Variants in NPC1 observed in about 807,000 individuals in gnomAD.
NPC1 encodes the protein Niemann-Pick C1 protein.
In NPC1, 85 loss-of-function variants were observed where a neutral mutation model predicts 140.4. The ratio of observed to expected loss-of-function variants is 0.61; its 90% CI spans 0.51 to 0.72. The LOEUF (loss-of-function observed/expected upper bound fraction) is 0.72. Among genes scored for constraint, NPC1 ranks in the 30% least tolerant of loss-of-function variants. The pLI, the probability that NPC1 is intolerant of heterozygous loss-of-function variation, is 0.00. For missense variants in NPC1, 1,504 were observed against 1,623.8 expected, an observed-to-expected ratio of 0.93 and a Z score of 1.27; for synonymous variants, 656 against 624.8, an observed-to-expected ratio of 1.05 and a Z score of -0.74.
At chr18:23,509,542 CT>C (rs1182551453) in intron 3 of NPC1, 4 of 192,108 alleles carry the variant, frequency 2.1e-5, no homozygotes, top group Non-Finnish European at 4.2e-5. Context: ...GCTAATTTTT[CT>C]TTTTATTATT....
At chr18:23,544,612 C>T (rs2058758563) in intron 12 of NPC1, 86 bp from the exon 13 acceptor site, 1 of 1,209,390 alleles carries the variant, frequency 8.3e-7, no homozygotes, top group South Asian at 1.3e-5. Context: ...TTTTACTTTA[C>T]AGGGCTGTAT....
At chr18:23,569,077 A>G in intron 3 of NPC1, 79 bp from the exon 4 acceptor site, 6 of 1,006,768 alleles carry the variant, frequency 6.0e-6, no homozygotes, top group Non-Finnish European at 7.7e-6. Context: ...TAGACAAAGA[A>G]TATTTTAAAC....
At chr18:23,516,724 C>CTTTT (rs1567920926) in intron 3 of NPC1, among the ~76,000 whole-genome samples, 1 of 140,438 alleles carries the variant, frequency 7.1e-6, no homozygotes. Flanking sequence ...AGAATTTCTT[C>CTTTT]TTCTTTTTTT....
At chr18:23,526,797 C>A (rs1022900085), downstream of NPC1, 3 of 1,610,006 alleles carry the variant, frequency 1.9e-6, no homozygotes, top group South Asian at 1.1e-5. Context: ...TGCTCTGATT[C>A]CAGTGTGAGG....
intron 3 of NPC1, among the ~76,000 whole-genome samples, chr18:23,514,126 C>T (rs1376866041): frequency 6.6e-6 from 1 of 152,094 alleles, no homozygotes; most frequent in Admixed American, 6.6e-5. Context: ...ATTTTGTTGA[C>T]CTAATGAAAG....
downstream of NPC1, chr18:23,524,514 A>T (rs76115546): frequency 1.6e-3 from 2,545 of 1,609,260 alleles, 37 homozygotes; most frequent in African/African-American, 0.031. Flanking sequence ...TCGTGTTACA[A>T]CATGGTGCTT....
intron 20 of NPC1, 44 bp from the exon 21 acceptor site, chr18:23,536,920 A>C (rs764877739): frequency 6.6e-7 from 1 of 1,520,734 alleles, no homozygotes; most frequent in South Asian, 1.1e-5. Flanking sequence ...AGGTCTTGCA[A>C]AATATCAGCA....
intron 1 of NPC1, among the ~76,000 whole-genome samples, chr18:23,578,954 G>A (rs945908328): frequency 1.3e-5 from 2 of 152,188 alleles, no homozygotes; most frequent in African/African-American, 4.8e-5. Context: ...GATGCCTGCC[G>A]CTTGCCTCTT....
At chr18:23,517,464 T>C (rs1390122135), downstream of NPC1, among the ~76,000 whole-genome samples, 1 of 152,104 alleles carries the variant, frequency 6.6e-6, no homozygotes, top group East Asian at 1.9e-4. Context: ...AGGTATATTT[T>C]CATTTGAAAA....
In NPC1 at chr18:23,535,591, A is replaced by G. The variant is rs1388678989; in HGVS notation, c.3355T>C (p.Cys1119Arg). The G allele has an allele frequency of 2.5e-6, 4 of 1,614,192 alleles. No individual in the cohort carries two copies. The highest frequency in any genetic ancestry group is 2.5e-6 in the Non-Finnish European group (3 of 1,180,024). The change falls in exon 22 of 25, where the codon TGT becomes CGT. Residue 1119 changes from cysteine to arginine, a missense_variant. Physicochemically the swap from Cys to Arg is radical, Grantham distance 180 (BLOSUM62 -3). Transcript: ENST00000269228. Reference sequence around the variant, plus strand: ...ATGATGACTGCAGACCAGAGCTCACAGCCCAGGAGGACCATGGTCACCAGA... The same window carrying G: ...ATGATGACTGCAGACCAGAGCTCACGGCCCAGGAGGACCATGGTCACCAGA... ...IFLVTMVLLG[C>R]ELWSAVIMCA...
Position 23,573,525 on chromosome 18 carries a change from C to T in NPC1, c.107G>A (p.Gly36Glu). 1 of 1,614,136 alleles carries T rather than the reference C, an allele frequency of 6.2e-7. No homozygotes were observed. Among genetic ancestry groups the T allele is most frequent in the Non-Finnish European group, 8.5e-7 (1 of 1,180,008 alleles). ...VWYGECGIAY[G>E]DKRYNCEYSG... Reference sequence around the variant, plus strand: ...ATATTCGCAATTGTACCTCTTGTCCCCATATGCAATTCCACACTCTCCATA... The same window carrying T: ...ATATTCGCAATTGTACCTCTTGTCCTCATATGCAATTCCACACTCTCCATA... The change falls in exon 2 of 25, where the codon GGG (glycine) becomes GAG (glutamate). Residue 36 changes from glycine to glutamate, a missense_variant. Transcript: ENST00000269228.
chr18:23,573,622 A>G, intron 1 of NPC1, 48 bp from the exon 2 acceptor site: 2 of 1,613,168 alleles, frequency 1.2e-6, no homozygotes, highest in East Asian at 4.5e-5. Flanking sequence ...TCTCAATGGT[A>G]AATTTCAACA....
intron 19 of NPC1, 176 bp from the exon 20 acceptor site, chr18:23,538,847 A>G (rs1209046919): frequency 5.9e-6 from 4 of 673,640 alleles, no homozygotes; most frequent in Non-Finnish European, 1.0e-5. Flanking sequence ...TCACTTTCAC[A>G]GTTTAATGAA....
chr18:23,556,913 T>G (rs758606299), intron 7 of NPC1, among the ~76,000 whole-genome samples: 7 of 152,238 alleles, frequency 4.6e-5, no homozygotes, highest in Non-Finnish European at 1.0e-4. Context: ...CCTCCCCAGC[T>G]ATGATTAATT....
chr18:23,515,283 A>T (rs1257674320), intron 3 of NPC1, among the ~76,000 whole-genome samples: 1 of 152,202 alleles, frequency 6.6e-6, no homozygotes, highest in Admixed American at 6.5e-5. Context: ...TGCTTTGTTA[A>T]GGGGCAGGTT....
downstream of NPC1, chr18:23,520,188 T>C (rs1306468998): frequency 6.2e-7 from 1 of 1,601,418 alleles, no homozygotes; most frequent in South Asian, 1.1e-5. Flanking sequence ...CAGTCTTGTC[T>C]TTTTCCCCCC....
Position 23,536,821 on chromosome 18 carries a change from C to T in NPC1, c.3097G>A (p.Val1033Ile), listed in dbSNP as rs758802425. 2 of 1,614,146 alleles carry T rather than the reference C, an allele frequency of 1.2e-6. No individual in the cohort carries two copies. Among genetic ancestry groups the T allele is most frequent in the Non-Finnish European group, 1.7e-6 (2 of 1,180,014 alleles). Residue 1033 changes from valine to isoleucine, a missense_variant, in exon 21 of 25, where the codon GTC (valine) becomes ATC (isoleucine). By Grantham distance (29) the Val-to-Ile change is conservative. Transcript: ENST00000269228. ...VNILLGHGTR[V>I]GATYFMTYHT... The stretch of plus-strand genomic sequence containing the variant: ...TAGGTCATGAAGTACGTGGCTCCGA[C>T]CCTGGTGCCATGGCCAAGGAGGATG...
chr18:23,533,793 A>G (rs2058580599), intron 23 of NPC1: 1 of 452,840 alleles, frequency 2.2e-6, no homozygotes, highest in Non-Finnish European at 4.1e-6. Flanking sequence ...GGCATGAGCC[A>G]CCGTGGCCAG....
chr18:23,573,306 A>G (rs2059229488), intron 2 of NPC1, 146 bp downstream of exon 2: 2 of 1,126,482 alleles, frequency 1.8e-6, no homozygotes, highest in Non-Finnish European at 2.7e-6. Context: ...ACTGTATGCC[A>G]CAGGTTAGAG....
Sources: gnomAD v4.1 joint callset for allele counts (sites outside exome capture counted in the v4.1 genomes callset) on GRCh38, gnomAD v4.1.1 for gene constraint, MANE v1.5 for transcripts, NCBI Gene and HGNC (gene_info 2026-07-23, HGNC 2026-07-21) for gene names.